The following SPRY4 variants were observed in gnomAD, a reference collection of about 807,000 sequenced individuals.
SPRY4 encodes the protein sprouty RTK signaling antagonist 4.
SPRY4 carries 7 observed loss-of-function variants against 17.0 expected under a neutral mutation model. The observed-to-expected ratio is 0.41, with a 90% CI of 0.23 to 0.77. The LOEUF (loss-of-function observed/expected upper bound fraction) is 0.77, where lower values mean the gene tolerates loss of function less well. Among genes scored for constraint, SPRY4 ranks in the 30% least tolerant of loss-of-function variants. The pLI, the probability that SPRY4 is intolerant of heterozygous loss-of-function variation, is 0.32. For synonymous variants in SPRY4, 183 were observed against 174.1 expected (o/e 1.05, Z -0.40); for missense variants, 435 against 419.9 (o/e 1.04, Z -0.31).
chr5:142,316,302 A>C (rs1759151005), intron 1 of SPRY4, among the ~76,000 whole-genome samples: 1 of 152,112 alleles, frequency 6.6e-6, no homozygotes, highest in Non-Finnish European at 1.5e-5. Flanking sequence ...AAAGAGCGGA[A>C]ACTGCTTGGT....
chr5:142,323,426 CTCT>C (rs1759418226), intron 1 of SPRY4, among the ~76,000 whole-genome samples: 1 of 152,346 alleles, frequency 6.6e-6, no homozygotes, highest in African/African-American at 2.4e-5. Context: ...CCACTGTACA[CTCT>C]TCTTTCCAGC....
rs1283981231 is a variant in SPRY4 at position 142,312,171 on chromosome 5, C to CAGT, written c.*2035_*2037dup. ...TGAGGAAAACCATCTCCAGTCCCTT[C>CAGT]AGTACACTTCTGATACATTCAATTC... On this transcript the variant is annotated 3_prime_UTR_variant, in exon 2 of 2. Transcript: ENST00000434127. The CAGT allele has an allele frequency of 1.3e-5, 2 of 152,572 alleles. No homozygotes were observed. The highest frequency in any genetic ancestry group is 2.9e-5 in the Non-Finnish European group (2 of 68,034). The allele number at this position is 152,572 out of a possible 1,614,324, so 9.5% of individuals were successfully genotyped here.
rs115501373 is a variant in SPRY4 at position 142,322,825 on chromosome 5, G to A, written c.-48+2019C>T. Among the ~76,000 whole-genome samples the A allele has an allele frequency of 3.7e-3, 564 of 152,326 alleles. 3 individuals carry two copies. The highest frequency in any genetic ancestry group is 0.013 in the African/African-American group (526 of 41,574). ...CCTACACCCGTACTGGCCACATGGC[G>A]TGGTTGGTAAGTGTGTGTGCTGTTC... On this transcript the variant is annotated intron_variant, in intron 1 of 1. Coordinates refer to ENST00000434127, the MANE Select transcript of SPRY4 (RefSeq NM_001127496.3).
chr5:142,311,166 C>G lies in SPRY4; in HGVS notation c.*3043G>C, dbSNP rs1438108794. 1 of 147,358 alleles carries G rather than the reference C, an allele frequency of 6.8e-6. No individual in the cohort carries two copies. The highest frequency in any genetic ancestry group is 1.5e-5 in the Non-Finnish European group (1 of 67,030). 9.1% of individuals were successfully genotyped at this position (147,358 alleles called of 1,614,324 possible). A position where few individuals can be genotyped will look rare whatever the true frequency, so the allele number is the denominator to read the frequency against. On this transcript the variant is annotated 3_prime_UTR_variant, in exon 2 of 2. Coordinates refer to ENST00000434127, the MANE Select transcript of SPRY4 (RefSeq NM_001127496.3). ...CCAAAGGAAGGGATTGGTCTTCACC[C>G]CCTTCCTGCTCAGGAAAGCCTTAGT...
intron 1 of SPRY4, chr5:142,317,859 C>T: frequency 1.0e-6 from 1 of 985,352 alleles, no homozygotes; most frequent in Non-Finnish European, 1.2e-6. Context: ...ACATCTGGGC[C>T]TGCAGTTGAG....
chr5:142,316,280 G>A (rs1759149910), intron 1 of SPRY4, among the ~76,000 whole-genome samples: 1 of 152,102 alleles, frequency 6.6e-6, no homozygotes, highest in Non-Finnish European at 1.5e-5. Flanking sequence ...ACCCCAGGAA[G>A]TCACTTAAAT....
intron 1 of SPRY4, among the ~76,000 whole-genome samples, chr5:142,316,188 G>C (rs1759145343): frequency 6.6e-6 from 1 of 151,920 alleles, no homozygotes; most frequent in African/African-American, 2.4e-5. Context: ...AGCCAACCCT[G>C]GATCAGTTTC....
Position 142,314,413 on chromosome 5 carries a change from G to A in SPRY4, c.696C>T (p.Cys232=), listed in dbSNP as rs375722281. 6.8e-5 allele frequency: 110 copies of A among 1,613,868 alleles called. No individual in the cohort carries two copies. The Middle Eastern group carries it at 2.1e-3, about 31-fold the overall frequency. The change falls in exon 2 of 2, where the codon TGC becomes TGT. Residue 232 remains cysteine, a synonymous_variant. Transcript: ENST00000434127. The surrounding 1 kb of genome is among the most constrained non-coding windows in gnomAD (Gnocchi z 4.8). The part of the protein sequence containing the change: ...HPCSCSRSNC[C]ARWSFMGALS... ...GAGCACCCATGAAGGACCAGCGGGC[G>A]CAGCAGTTGGAGCGGGAGCAGGAGC...
chr5:142,315,046 AAG>A lies in SPRY4; in HGVS notation c.61_62del (p.Leu21SerfsTer2). 6.2e-7 allele frequency: 1 copy of A among 1,613,530 alleles called. No homozygotes were observed. ...GGCTGTGGGACATCCGGCTGTCAAG[AAG>A]GGGCTGGACCATGACTGAGTTGGGA... ...LTPNSVMVQPLLDSRMSHSRL... is the reference protein window; with the variant it reads ...LTPNSVMVQPXLDSRMSHSRL... On this transcript the variant is annotated frameshift_variant, in exon 2 of 2. Coordinates refer to ENST00000434127, the MANE Select transcript of SPRY4 (RefSeq NM_001127496.3). LOFTEE classifies it high-confidence loss of function.
chr5:142,314,419 G>A lies in SPRY4; in HGVS notation c.690C>T (p.Asn230=), dbSNP rs773066697. 7 of 1,614,044 alleles carry A rather than the reference G, an allele frequency of 4.3e-6. No homozygotes were observed. Residue 230 remains asparagine, a synonymous_variant, in exon 2 of 2, where the codon AAC becomes AAT. Coordinates refer to ENST00000434127, the MANE Select transcript of SPRY4 (RefSeq NM_001127496.3). The surrounding 1 kb of genome is among the most constrained non-coding windows in gnomAD (Gnocchi z 4.8). ...ADHPCSCSRS[N]CCARWSFMGA... is the part of the protein sequence containing the mutation. ...CCATGAAGGACCAGCGGGCGCAGCA[G>A]TTGGAGCGGGAGCAGGAGCAGGGGT...
intron 1 of SPRY4, chr5:142,318,068 A>C: frequency 1.0e-6 from 1 of 985,160 alleles, no homozygotes; most frequent in Non-Finnish European, 1.2e-6. Context: ...ACCAGCAGGG[A>C]CCCTCCAAGA....
rs756083952 is a variant in SPRY4, at chr5:142,314,172, G to A, written c.*37C>T. 6.4e-7 allele frequency: 1 copy of A among 1,567,814 alleles called. No homozygotes were observed. Among genetic ancestry groups the A allele is most frequent in the Non-Finnish European group, 8.6e-7 (1 of 1,159,258 alleles). Reference sequence around the variant, plus strand: ...TTCTTAGATGTCAGAAGAGAACCAGGTTTCCAGGCAGAGCACTGGGGCTTC... The same window carrying A: ...TTCTTAGATGTCAGAAGAGAACCAGATTTCCAGGCAGAGCACTGGGGCTTC... On this transcript the variant is annotated 3_prime_UTR_variant, in exon 2 of 2. Coordinates refer to ENST00000434127, the MANE Select transcript of SPRY4 (RefSeq NM_001127496.3). This position sits in a 1 kb window ranked among gnomAD's most constrained non-coding sequence, Gnocchi z 4.8.
At chr5:142,318,070 C>T (rs1446485940) in intron 1 of SPRY4, 6 of 985,196 alleles carry the variant, frequency 6.1e-6, no homozygotes, top group Non-Finnish European at 6.0e-6. Context: ...CAGCAGGGAC[C>T]CTCCAAGAGC....
At chr5:142,320,278 AGAATAAAGCATTTGG>A (rs1034988398) in intron 1 of SPRY4, among the ~76,000 whole-genome samples, 1 of 152,184 alleles carries the variant, frequency 6.6e-6, no homozygotes, top group African/African-American at 2.4e-5. Context: ...CCCCAGTGGA[AGAATAAAGCATTTGG>A]GCAGCTGGAT....
Position 142,314,295 on chromosome 5 carries a change from C to T in SPRY4, c.814G>A (p.Gly272Ser), listed in dbSNP as rs531177415. Residue 272 changes from glycine to serine, a missense_variant, in exon 2 of 2, where the codon GGT becomes AGT. Gly to Ser is a moderately conservative substitution (Grantham distance 56). Coordinates refer to ENST00000434127, the MANE Select transcript of SPRY4 (RefSeq NM_001127496.3). The surrounding 1 kb of genome is among the most constrained non-coding windows in gnomAD (Gnocchi z 4.8). ...CTGTTCGTGTGCTTGCAGCGGCAAC[C>T]AGGGCGGCGCAGACGGTCGTAGCCA... ...QRGYDRLRRPGCRCKHTNSVI... is the reference protein window; with the variant it reads ...QRGYDRLRRPSCRCKHTNSVI... The T allele has an allele frequency of 6.2e-7, 1 of 1,613,860 alleles. No individual in the cohort carries two copies. Among genetic ancestry groups the T allele is most frequent in the South Asian group, 1.1e-5 (1 of 91,074 alleles).
chr5:142,324,366 G>C (rs1759461016), intron 1 of SPRY4: 1 of 152,280 alleles, frequency 6.6e-6, no homozygotes, highest in African/African-American at 2.4e-5. Flanking sequence ...CCGCTACGGC[G>C]GGCTGGGAGA....
intron 1 of SPRY4, among the ~76,000 whole-genome samples, chr5:142,321,256 A>G (rs768121624): frequency 3.3e-5 from 5 of 152,210 alleles, no homozygotes; most frequent in Non-Finnish European, 7.3e-5. Context: ...GCATGGCCCT[A>G]GTCCTGGCCG....
chr5:142,319,794 G>A (rs1477279457), intron 1 of SPRY4: 4 of 1,609,102 alleles, frequency 2.5e-6, no homozygotes, highest in Non-Finnish European at 3.4e-6. Context: ...ATACAGGCTG[G>A]CTGAAAAGAA....
At chr5:142,317,487 GC>G in intron 1 of SPRY4, 1 of 985,398 alleles carries the variant, frequency 1.0e-6, no homozygotes, top group South Asian at 4.7e-5. Flanking sequence ...TCAGGGTCCT[GC>G]CAACACAATG....
Sources: allele counts gnomAD v4.1 joint callset (sites outside exome capture counted in the v4.1 genomes callset), GRCh38; gene constraint gnomAD v4.1.1; non-coding constraint Gnocchi (gnomAD v3.1); transcripts MANE v1.5; gene names NCBI Gene and HGNC (gene_info 2026-07-23, HGNC 2026-07-21).